The following PRKCH variants were observed in gnomAD, a reference collection of about 807,000 sequenced individuals.
PRKCH encodes protein kinase C eta type.
In PRKCH, 28 loss-of-function variants were observed where a neutral mutation model predicts 82.5. The ratio of observed to expected loss-of-function variants is 0.34; its 90% CI spans 0.25 to 0.47. PRKCH has a LOEUF of 0.47. PRKCH is among the 20% of genes least tolerant of loss of function. The probability of loss-of-function intolerance (pLI) is 1.00; values close to 1 mark genes in which losing one functional copy is unlikely to be tolerated. For synonymous variants in PRKCH, 322 were observed against 327.4 expected, an observed-to-expected ratio of 0.98 and a Z score of 0.18; for missense variants, 705 against 881.8, an observed-to-expected ratio of 0.80 and a Z score of 2.54.
chr14:61,525,944 A>T (rs552403427), intron 10 of PRKCH: 7 of 152,340 alleles, frequency 4.6e-5, no homozygotes, highest in African/African-American at 1.7e-4. Context: ...AGTGTGTCTA[A>T]CCTCAGCCAG....
In PRKCH at chr14:61,484,764, C is replaced by CGTTTTTTT. The variant is rs1555392076; in HGVS notation, c.1279-738_1279-737insGTTTTTTT. On this transcript the variant is annotated intron_variant, in intron 9 of 13. Transcript: ENST00000332981. ...TACTGTGAGGCTGTCATTTGGCTTC[C>CGTTTTTTT]TTTTTTTTTTTTTTTTTTTGGAAGA... Among the ~76,000 whole-genome samples the CGTTTTTTT allele has an allele frequency of 5.0e-5, 6 of 121,206 alleles. 1 individual carries two copies. The highest frequency in any genetic ancestry group is 1.6e-4 in the African/African-American group (5 of 30,834). 79.5% of individuals were successfully genotyped at this position (121,206 alleles called of 152,430 possible).
intron 2 of PRKCH, among the ~76,000 whole-genome samples, chr14:61,442,186 T>C (rs1884006346): frequency 6.6e-6 from 1 of 152,238 alleles, no homozygotes; most frequent in Non-Finnish European, 1.5e-5. Context: ...AGTCTCTGCA[T>C]ACACTAGAAA....
chr14:61,314,671 CT>C (rs1017637016), intron 1 of PRKCH, among the ~76,000 whole-genome samples: 55 of 152,306 alleles, frequency 3.6e-4, no homozygotes, highest in African/African-American at 1.3e-3. Context: ...ATCGAAGGCT[CT>C]TCTTTTGGGG....
chr14:61,200,201 A>C (rs1184090646), intron 1 of PRKCH, among the ~76,000 whole-genome samples: 1 of 152,136 alleles, frequency 6.6e-6, no homozygotes, highest in Non-Finnish European at 1.5e-5. Flanking sequence ...AGGGAGAGAA[A>C]ACAGGACAAG....
intron 1 of PRKCH, among the ~76,000 whole-genome samples, chr14:61,370,807 A>G (rs2046356460): frequency 6.6e-6 from 1 of 152,060 alleles, no homozygotes; most frequent in Admixed American, 6.5e-5. Flanking sequence ...TGCAGATAGG[A>G]GTACTCATAG....
intron 1 of PRKCH, among the ~76,000 whole-genome samples, chr14:61,196,306 T>C (rs2044442463): frequency 6.6e-6 from 1 of 152,088 alleles, no homozygotes; most frequent in Admixed American, 6.5e-5. Flanking sequence ...AAGGTGGAAA[T>C]ATGATTGCTG....
chr14:61,529,458 A>G (rs1228233677), intron 11 of PRKCH, among the ~76,000 whole-genome samples: 4 of 151,988 alleles, frequency 2.6e-5, no homozygotes, highest in African/African-American at 9.7e-5. Context: ...ATGCACACGT[A>G]TGTTTATTGC....
chr14:61,384,845 A>T (rs2046563653), intron 1 of PRKCH, among the ~76,000 whole-genome samples: 1 of 152,072 alleles, frequency 6.6e-6, no homozygotes, highest in Non-Finnish European at 1.5e-5. Flanking sequence ...AGAGAACCCT[A>T]AAGGCTGAAG....
At chr14:61,367,936 G>A (rs185221721) in intron 1 of PRKCH, among the ~76,000 whole-genome samples, 1 of 151,684 alleles carries the variant, frequency 6.6e-6, no homozygotes, top group South Asian at 2.1e-4. Flanking sequence ...GGATGGTCTC[G>A]ACCTCCTGAC....
intron 1 of PRKCH, among the ~76,000 whole-genome samples, chr14:61,263,629 G>T (rs1284602839): frequency 6.6e-6 from 1 of 152,018 alleles, no homozygotes; most frequent in African/African-American, 2.4e-5. Flanking sequence ...ATACCTATTT[G>T]TATCCATATC....
chr14:61,237,043 C>A (rs1222878338), intron 1 of PRKCH, among the ~76,000 whole-genome samples: 1 of 152,104 alleles, frequency 6.6e-6, no homozygotes, highest in African/African-American at 2.4e-5. Context: ...GCCCTGAATT[C>A]TTTCTTGTGT....
intron 1 of PRKCH, among the ~76,000 whole-genome samples, chr14:61,367,591 G>A (rs2046312956): frequency 1.3e-5 from 2 of 151,894 alleles, no homozygotes; most frequent in Non-Finnish European, 2.9e-5. Flanking sequence ...TCTGTTGGAC[G>A]TTTTGTGACC....
chr14:61,310,370 A>C (rs2140109551), intron 1 of PRKCH, among the ~76,000 whole-genome samples: 1 of 152,356 alleles, frequency 6.6e-6, no homozygotes, highest in Non-Finnish European at 1.5e-5. Context: ...CACCCATTCC[A>C]AATAGGAAAA....
rs865776036 is a variant in PRKCH at position 61,457,680 on chromosome 14, G to A, written c.1278+1G>A. The A allele has an allele frequency of 2.5e-6, 4 of 1,613,778 alleles. No homozygotes were observed. Among genetic ancestry groups the A allele is most frequent in the East Asian group, 2.2e-5 (1 of 44,884 alleles). Reference sequence around the variant, plus strand: ...GTTGTTCTGCTGCTTTCAGACCCCCGTAAGTATGAATCACATTCACTGCAC... The same window carrying A: ...GTTGTTCTGCTGCTTTCAGACCCCCATAAGTATGAATCACATTCACTGCAC... On this transcript the variant is annotated splice_donor_variant, in intron 9 of 13. Transcript: ENST00000332981. LOFTEE classifies it high-confidence loss of function.
At chr14:61,493,003 T>C (rs12897195) in intron 10 of PRKCH, among the ~76,000 whole-genome samples, 24,143 of 152,070 alleles carry the variant, frequency 0.16, 2,026 homozygotes, top group African/African-American at 0.22. Context: ...AAGTGGAAAA[T>C]GACAGGAACT....
chr14:61,357,314 A>G (rs2046163785), intron 1 of PRKCH, among the ~76,000 whole-genome samples: 1 of 152,252 alleles, frequency 6.6e-6, no homozygotes, highest in African/African-American at 2.4e-5. Context: ...ATGACTTTGT[A>G]TCTGACTTTA....
intron 1 of PRKCH, among the ~76,000 whole-genome samples, chr14:61,295,414 C>A (rs2045398383): frequency 6.6e-6 from 1 of 152,174 alleles, no homozygotes. Flanking sequence ...TGTTGTCAGT[C>A]CCTGGCCAGC....
intron 9 of PRKCH, chr14:61,476,359 C>T (rs2140318097): frequency 6.6e-6 from 1 of 152,276 alleles, no homozygotes; most frequent in Admixed American, 6.5e-5. Flanking sequence ...AAAAGAAGAC[C>T]AAGTGCACAG....
intron 12 of PRKCH, among the ~76,000 whole-genome samples, chr14:61,540,426 AG>A (rs1257406573): frequency 1.3e-5 from 2 of 152,202 alleles, no homozygotes; most frequent in African/African-American, 4.8e-5. Flanking sequence ...GGTAGCCTCA[AG>A]GGGAAGTCTA....
Sources: allele counts gnomAD v4.1 joint callset (sites outside exome capture counted in the v4.1 genomes callset), GRCh38; gene constraint gnomAD v4.1.1; transcripts MANE v1.5; gene names NCBI Gene and HGNC (gene_info 2026-07-23, HGNC 2026-07-21).